The following PLCH1 variants were observed in gnomAD, a reference collection of about 807,000 sequenced individuals.
PLCH1 encodes the protein phospholipase C eta 1, also known as 1-phosphatidylinositol 4,5-bisphosphate phosphodiesterase eta-1.
In PLCH1, 60 loss-of-function variants were observed where a neutral mutation model predicts 126.7. The observed-to-expected ratio is 0.47, with a 90% CI of 0.38 to 0.59. PLCH1 has a LOEUF of 0.59. Ranked by LOEUF, PLCH1 falls within the 20% of genes least tolerant of loss-of-function variation. PLCH1 has a pLI of 0.00. For missense variants in PLCH1, 1,723 were observed against 2,040.0 expected, an observed-to-expected ratio of 0.84 and a Z score of 2.99; for synonymous variants, 719 against 734.9, an observed-to-expected ratio of 0.98 and a Z score of 0.35.
chr3:155,566,533 T>C (rs1728565883), intron 7 of PLCH1, among the ~76,000 whole-genome samples: 1 of 151,760 alleles, frequency 6.6e-6, no homozygotes, highest in African/African-American at 2.4e-5. Context: ...CAACCAGCAA[T>C]TGATAGGTTA....
chr3:155,565,782 G>A lies in PLCH1; in HGVS notation c.866-664C>T, dbSNP rs548341081. On this transcript the variant is annotated intron_variant, in intron 7 of 22. Coordinates refer to ENST00000460012, the MANE Select transcript of PLCH1 (RefSeq NM_014996.4). ...ACGATCTTGGCTCACTGCAACCTCC[G>A]CCTCCCAGGTTCAAGAGATTCTCCA... Among the ~76,000 whole-genome samples the A allele has an allele frequency of 1.3e-4, 20 of 150,102 alleles. 1 individual carries two copies. The highest frequency in any genetic ancestry group is 8.4e-4 in the South Asian group (4 of 4,772).
At chr3:155,699,913 T>C (rs1182250610) in intron 2 of PLCH1, among the ~76,000 whole-genome samples, 1 of 152,010 alleles carries the variant, frequency 6.6e-6, no homozygotes, top group Non-Finnish European at 1.5e-5. Flanking sequence ...CTACAAAGTT[T>C]ACAGTCCAAA....
chr3:155,730,095 A>G (rs79003692), intron 1 of PLCH1, among the ~76,000 whole-genome samples: 3,380 of 152,220 alleles, frequency 0.022, 110 homozygotes, highest in African/African-American at 0.078. Context: ...CTCTAAAGGC[A>G]GCAGAGATGG....
intron 2 of PLCH1, among the ~76,000 whole-genome samples, chr3:155,612,907 T>TAAAAAAAA: frequency 2.3e-5 from 1 of 43,494 alleles, no homozygotes; most frequent in Non-Finnish European, 3.5e-5. Flanking sequence ...AAACTGTGTA[T>TAAAAAAAA]TAAAAAAAAA....
chr3:155,741,687 T>TTATTTTTTTTTTATTTTTTTTA (rs1380144671), intron 1 of PLCH1, among the ~76,000 whole-genome samples: 1 of 140,546 alleles, frequency 7.1e-6, no homozygotes, highest in Non-Finnish European at 1.5e-5. Flanking sequence ...ATATCCTCTT[T>TTATTTTTTTTTTATTTTTTTTA]TTTTTTTTTT....
At chr3:155,728,107 TTGGC>T (rs1748481468) in intron 1 of PLCH1, among the ~76,000 whole-genome samples, 1 of 152,238 alleles carries the variant, frequency 6.6e-6, no homozygotes, top group Non-Finnish European at 1.5e-5. Context: ...CACTGAGCTT[TTGGC>T]ATGAGTATTC....
chr3:155,456,161 C>G (rs74487898), intron 21 of PLCH1, among the ~76,000 whole-genome samples: 8,709 of 152,194 alleles, frequency 0.057, 556 homozygotes, highest in African/African-American at 0.16. Context: ...ATACTTTCGT[C>G]TCTTTCTCTA....
At chr3:155,462,713 A>C (rs1712774688) in intron 21 of PLCH1, among the ~76,000 whole-genome samples, 1 of 152,102 alleles carries the variant, frequency 6.6e-6, no homozygotes. Context: ...AACCGTTTGC[A>C]TTGTTTCAGC....
chr3:155,470,105 G>T (rs961511848), intron 21 of PLCH1, among the ~76,000 whole-genome samples: 10 of 151,862 alleles, frequency 6.6e-5, no homozygotes, highest in African/African-American at 2.4e-4. Flanking sequence ...AGAGAAGAAG[G>T]CTTCAGACGA....
chr3:155,523,433 G>T (rs911485297), intron 11 of PLCH1, among the ~76,000 whole-genome samples: 7 of 152,140 alleles, frequency 4.6e-5, no homozygotes, highest in Non-Finnish European at 1.5e-5. Flanking sequence ...AAATCCCTCT[G>T]GTCCAAGGTA....
chr3:155,485,683 G>C lies in PLCH1; in HGVS notation c.2647C>G (p.Leu883Val). ...KNRQLQGLKGLFNKNPRHSSS... is the reference protein window; with the variant it reads ...KNRQLQGLKGVFNKNPRHSSS... ...CTGTGCCTAGGATTCTTATTGAACAGTCCCTTCAGACCCTGGAGTTGTCTG... is the reference window on the plus strand; with the variant it reads ...CTGTGCCTAGGATTCTTATTGAACACTCCCTTCAGACCCTGGAGTTGTCTG... The change falls in exon 22 of 23, where the codon CTG (leucine) becomes GTG (valine). Residue 883 changes from leucine to valine, a missense_variant. This residue lies in a region of PLCH1 where 947 missense variants were observed against 977.1 expected (regional missense o/e 0.97). Coordinates refer to ENST00000460012, the MANE Select transcript of PLCH1 (RefSeq NM_014996.4). 1 of 1,602,726 alleles carries C rather than the reference G, an allele frequency of 6.2e-7. No homozygotes were observed. Among genetic ancestry groups the C allele is most frequent in the Non-Finnish European group, 8.5e-7 (1 of 1,179,448 alleles).
intron 21 of PLCH1, among the ~76,000 whole-genome samples, chr3:155,469,465 A>T (rs1430205858): frequency 1.3e-5 from 2 of 151,230 alleles, no homozygotes; most frequent in African/African-American, 4.8e-5. Flanking sequence ...CAGCAGTCTG[A>T]GATCAAACTG....
chr3:155,603,179 G>A (rs914359852), intron 2 of PLCH1, among the ~76,000 whole-genome samples: 1 of 152,106 alleles, frequency 6.6e-6, no homozygotes, highest in Non-Finnish European at 1.5e-5. Flanking sequence ...TCCTTTGCAA[G>A]ACAATCTTTT....
chr3:155,624,131 C>G (rs1182158129), intron 2 of PLCH1, among the ~76,000 whole-genome samples: 2 of 152,150 alleles, frequency 1.3e-5, no homozygotes. Context: ...ATCACATAAA[C>G]AGAACCAATG....
chr3:155,647,959 T>C (rs909602954), intron 2 of PLCH1, among the ~76,000 whole-genome samples: 2 of 152,162 alleles, frequency 1.3e-5, no homozygotes, highest in Non-Finnish European at 2.9e-5. Context: ...GGAATTCTGG[T>C]AGAGGTCCTG....
At chr3:155,677,543 A>G (rs1407387735) in intron 2 of PLCH1, among the ~76,000 whole-genome samples, 1 of 152,210 alleles carries the variant, frequency 6.6e-6, no homozygotes, top group Non-Finnish European at 1.5e-5. Context: ...CTAGGTTCAA[A>G]GACTGACTCT....
downstream of PLCH1, among the ~76,000 whole-genome samples, chr3:155,478,667 A>C (rs1251641987): frequency 6.6e-6 from 1 of 152,160 alleles, no homozygotes; most frequent in Non-Finnish European, 1.5e-5. Context: ...GAATGTGCTA[A>C]TGGATTACAC....
At chr3:155,607,268 TTC>T (rs1734482523) in intron 2 of PLCH1, among the ~76,000 whole-genome samples, 2 of 152,174 alleles carry the variant, frequency 1.3e-5, no homozygotes. Flanking sequence ...ACAGATCTAC[TTC>T]TGTTTGTCTG....
intron 2 of PLCH1, among the ~76,000 whole-genome samples, chr3:155,659,898 C>T (rs945002729): frequency 2.0e-4 from 31 of 151,996 alleles, no homozygotes; most frequent in African/African-American, 7.5e-4. Context: ...CCTCCAAAAG[C>T]ATTGGGATTA....
Sources: allele counts gnomAD v4.1 joint callset (sites outside exome capture counted in the v4.1 genomes callset), GRCh38; gene constraint gnomAD v4.1.1; regional missense constraint gnomAD v4.1.1; transcripts MANE v1.5; gene names NCBI Gene and HGNC (gene_info 2026-07-23, HGNC 2026-07-21).